The following PIBF1 variants were observed in gnomAD, a reference collection of about 807,000 sequenced individuals.
The protein encoded by PIBF1 is progesterone-induced-blocking factor 1.
PIBF1 carries 90 observed loss-of-function variants against 112.5 expected under a neutral mutation model. The ratio of observed to expected loss-of-function variants is 0.80; its 90% CI spans 0.67 to 0.95. The LOEUF (loss-of-function observed/expected upper bound fraction) is 0.95, where lower values mean the gene tolerates loss of function less well. Among genes scored for constraint, PIBF1 ranks in the 40% least tolerant of loss-of-function variants. The probability of loss-of-function intolerance (pLI) is 0.00; values close to 1 mark genes in which losing one functional copy is unlikely to be tolerated. For synonymous variants in PIBF1, 301 were observed against 288.6 expected, an observed-to-expected ratio of 1.04 and a Z score of -0.44; for missense variants, 915 against 852.3, an observed-to-expected ratio of 1.07 and a Z score of -0.92.
At chr13:72,801,114 G>C (rs571705561) in intron 5 of PIBF1, among the ~76,000 whole-genome samples, 13 of 152,298 alleles carry the variant, frequency 8.5e-5, no homozygotes, top group South Asian at 2.1e-4. Context: ...GATAGTTGTA[G>C]TTAAGATCAG....
intron 9 of PIBF1, among the ~76,000 whole-genome samples, chr13:72,835,651 A>C (rs1306145483): frequency 6.6e-6 from 1 of 152,106 alleles, no homozygotes; most frequent in African/African-American, 2.4e-5. Context: ...TTGAGGACAG[A>C]TAAAAAGTAA....
chr13:72,885,939 T>C (rs2039832433), intron 10 of PIBF1, among the ~76,000 whole-genome samples: 2 of 152,176 alleles, frequency 1.3e-5, no homozygotes. Context: ...TTTTGGAGTA[T>C]TCCTTAGCCC....
chr13:72,956,334 A>AGT (rs1441126609), intron 14 of PIBF1, among the ~76,000 whole-genome samples: 2 of 151,878 alleles, frequency 1.3e-5, no homozygotes, highest in Admixed American at 6.6e-5. Flanking sequence ...CCCCCTTCAA[A>AGT]GTATGTGTGT....
At chr13:72,834,353 A>T (rs1040013284) in intron 8 of PIBF1, among the ~76,000 whole-genome samples, 3 of 152,210 alleles carry the variant, frequency 2.0e-5, no homozygotes, top group Non-Finnish European at 2.9e-5. Flanking sequence ...TGCTGGGTGC[A>T]GTGGCTCACA....
At chr13:72,814,077 T>C (rs1019922531) in intron 5 of PIBF1, among the ~76,000 whole-genome samples, 2 of 152,190 alleles carry the variant, frequency 1.3e-5, no homozygotes, top group South Asian at 2.1e-4. Flanking sequence ...AAGACTCTTA[T>C]TATGACCTTC....
At chr13:72,812,558 C>A (rs1170990966) in intron 5 of PIBF1, among the ~76,000 whole-genome samples, 1 of 151,850 alleles carries the variant, frequency 6.6e-6, no homozygotes, top group African/African-American at 2.4e-5. Flanking sequence ...CTGGTGAAAC[C>A]CTGTCTCTAC....
Position 72,931,254 on chromosome 13 carries a change from A to G in PIBF1, c.1820A>G (p.Gln607Arg). The change falls in exon 14 of 18, where the codon CAG becomes CGG. Residue 607 changes from glutamine (Q) to arginine (R), a missense_variant. Coordinates refer to ENST00000326291, the MANE Select transcript of PIBF1 (RefSeq NM_006346.4). Reference protein sequence around the residue: ...DLEHRKDQVTQLSQELDRANS... With the variant: ...DLEHRKDQVTRLSQELDRANS... ...GAACATCGAAAGGACCAAGTAACAC[A>G]GCTTTCACAAGAGGTAAATAACTTA... 6.2e-7 allele frequency: 1 copy of G among 1,601,814 alleles called. No individual in the cohort carries two copies. Among genetic ancestry groups the G allele is most frequent in the South Asian group, 1.1e-5 (1 of 90,206 alleles).
chr13:72,787,512 A>G (rs1279545258), intron 2 of PIBF1, among the ~76,000 whole-genome samples: 1 of 152,180 alleles, frequency 6.6e-6, no homozygotes, highest in Non-Finnish European at 1.5e-5. Flanking sequence ...TTCATGGGGT[A>G]TTTTGAAATG....
At chr13:72,782,489 C>T (rs963536031) in intron 1 of PIBF1, 140 bp downstream of exon 1, 1 of 152,152 alleles carries the variant, frequency 6.6e-6, no homozygotes, top group African/African-American at 2.4e-5. Context: ...GAGAATTTGT[C>T]TTTGAATTCA....
intron 11 of PIBF1, among the ~76,000 whole-genome samples, chr13:72,894,770 A>AGTG (rs1385402633): frequency 1.8e-4 from 20 of 108,494 alleles, no homozygotes; most frequent in African/African-American, 6.4e-4. Flanking sequence ...ATATATATAT[A>AGTG]TAGTGTGTGT....
At chr13:72,973,887 ATC>A (rs1382680357) in intron 16 of PIBF1, 2 of 485,856 alleles carry the variant, frequency 4.1e-6, no homozygotes, top group African/African-American at 4.1e-5. Flanking sequence ...TTGTGTTGAT[ATC>A]TGTCACTGAA....
chr13:72,934,948 G>GGTTA (rs151324539), intron 14 of PIBF1, among the ~76,000 whole-genome samples: 16,349 of 151,674 alleles, frequency 0.11, 2,476 homozygotes, highest in African/African-American at 0.35. Context: ...AGTTACTGTA[G>GGTTA]GTTAGTTAGT....
chr13:72,827,238 A>AT (rs35211035), intron 7 of PIBF1, 120 bp downstream of exon 7: 3,398 of 141,778 alleles, frequency 0.024, 142 homozygotes, highest in South Asian at 0.032. Flanking sequence ...AAAAAGATAA[A>AT]TTTTTTTTTT....
intron 14 of PIBF1, among the ~76,000 whole-genome samples, chr13:72,946,819 A>T (rs1379649390): frequency 6.6e-6 from 1 of 152,214 alleles, no homozygotes; most frequent in Non-Finnish European, 1.5e-5. Flanking sequence ...GTGGGCTCCC[A>T]CGGTCTTGGG....
At chr13:73,012,802 C>T (rs1331713299) in intron 17 of PIBF1, among the ~76,000 whole-genome samples, 1 of 151,092 alleles carries the variant, frequency 6.6e-6, no homozygotes, top group Non-Finnish European at 1.5e-5. Context: ...GTAACAGAAA[C>T]CTCTAAAAAA....
chr13:72,890,652 G>A (rs1361383826), intron 10 of PIBF1, among the ~76,000 whole-genome samples: 1 of 152,090 alleles, frequency 6.6e-6, no homozygotes, highest in African/African-American at 2.4e-5. Flanking sequence ...TATCAAACGT[G>A]AAGTTGTTAA....
chr13:72,931,092 A>G, intron 13 of PIBF1, 73 bp from the exon 14 acceptor site: 1 of 829,392 alleles, frequency 1.2e-6, no homozygotes, highest in Non-Finnish European at 2.0e-6. Context: ...ATTTTCAAGT[A>G]CACAAACACA....
intron 5 of PIBF1, among the ~76,000 whole-genome samples, chr13:72,813,274 A>G (rs181676518): frequency 6.6e-6 from 1 of 152,306 alleles, no homozygotes; most frequent in Admixed American, 6.5e-5. Flanking sequence ...AGGAGATGAA[A>G]ATGTGAATGC....
chr13:72,805,413 A>T (rs2035682742), intron 5 of PIBF1, among the ~76,000 whole-genome samples: 2 of 152,190 alleles, frequency 1.3e-5, no homozygotes, highest in South Asian at 4.1e-4. Flanking sequence ...AAGTGTTGGG[A>T]TTACAGGTAT....
Sources: gnomAD v4.1 joint callset for allele counts (sites outside exome capture counted in the v4.1 genomes callset) on GRCh38, gnomAD v4.1.1 for gene constraint, MANE v1.5 for transcripts, NCBI Gene and HGNC (gene_info 2026-07-23, HGNC 2026-07-21) for gene names.